The following SORL1 variants were observed in gnomAD, a reference collection of about 807,000 sequenced individuals.
SORL1 encodes sortilin-related receptor.
In SORL1, 127 loss-of-function variants were observed where a neutral mutation model predicts 273.7. That is an observed-to-expected ratio of 0.46 (90% CI 0.40 to 0.54). The LOEUF is 0.54. Among genes scored for constraint, SORL1 ranks in the 20% least tolerant of loss-of-function variants. The probability of loss-of-function intolerance (pLI) is 0.00; values close to 1 mark genes in which losing one functional copy is unlikely to be tolerated. For synonymous variants in SORL1, 1,031 were observed against 1,067.4 expected (o/e 0.97, Z 0.66); for missense variants, 2,494 against 2,846.1 (o/e 0.88, Z 2.81).
At chr11:121,462,056 C>T (rs145342055) in intron 1 of SORL1, among the ~76,000 whole-genome samples, 20 of 152,224 alleles carry the variant, frequency 1.3e-4, no homozygotes, top group African/African-American at 3.9e-4. Flanking sequence ...GTGACTTACC[C>T]GTAGTTAGAC....
At chr11:121,601,402 G>A (rs1228634177) in intron 32 of SORL1, among the ~76,000 whole-genome samples, 3 of 149,408 alleles carry the variant, frequency 2.0e-5, no homozygotes, top group Non-Finnish European at 4.4e-5. Flanking sequence ...AGTCCTTTGG[G>A]TATATACCCA....
chr11:121,513,149 T>C, intron 7 of SORL1, 45 bp downstream of exon 7: 2 of 1,390,994 alleles, frequency 1.4e-6, no homozygotes, highest in Non-Finnish European at 2.0e-6. Flanking sequence ...TCATTGTCTT[T>C]ATGCAGAGGT....
In SORL1 at chr11:121,614,105, C is replaced by A. The variant is rs1024592121; in HGVS notation, c.5420-766C>A. The stretch of plus-strand genomic sequence containing the variant: ...AAAGGCTATCTTGTTAGCGTAACCT[C>A]CCCCTTCTCACTTTTCTTTTTCTTA... On this transcript the variant is annotated intron_variant, in intron 40 of 47. Coordinates refer to ENST00000260197, the MANE Select transcript of SORL1 (RefSeq NM_003105.6). 8.5e-5 allele frequency among the ~76,000 whole-genome samples: 13 copies of A among 152,350 alleles called. No homozygotes were observed. In the South Asian group the frequency reaches 1.2e-3, roughly 15 times the overall value.
chr11:121,574,806 T>C (rs1456196537), intron 24 of SORL1, among the ~76,000 whole-genome samples: 3 of 152,132 alleles, frequency 2.0e-5, no homozygotes, highest in Non-Finnish European at 2.9e-5. Context: ...GGAGAGATGC[T>C]ATAAGGATGA....
chr11:121,557,237 G>A (rs375749488), intron 18 of SORL1, 77 bp from the exon 19 acceptor site: 1 of 1,038,830 alleles, frequency 9.6e-7, no homozygotes. Context: ...AGCAGAAGCT[G>A]AGTAGCCATC....
chr11:121,490,541 A>G (rs144213745), intron 5 of SORL1, among the ~76,000 whole-genome samples: 1 of 152,212 alleles, frequency 6.6e-6, no homozygotes, highest in East Asian at 1.9e-4. Context: ...GGAGTTCAAG[A>G]CCAGCCTGGC....
At chr11:121,602,056 C>T (rs568801622) in intron 32 of SORL1, among the ~76,000 whole-genome samples, 4 of 152,214 alleles carry the variant, frequency 2.6e-5, no homozygotes, top group Admixed American at 1.3e-4. Context: ...GAGCAGTGCC[C>T]GAGTCATGGT....
intron 3 of SORL1, among the ~76,000 whole-genome samples, chr11:121,483,584 AC>A (rs890137624): frequency 2.0e-5 from 3 of 152,184 alleles, no homozygotes; most frequent in African/African-American, 7.2e-5. Flanking sequence ...ATATTAAGTT[AC>A]TGCAAACAGG....
At chr11:121,471,847 C>G (rs760081806) in intron 2 of SORL1, among the ~76,000 whole-genome samples, 24 of 152,140 alleles carry the variant, frequency 1.6e-4, no homozygotes, top group Non-Finnish European at 2.6e-4. Context: ...GTGTGGGAGA[C>G]CACCGCTACT....
rs553702100 is a variant in SORL1, at chr11:121,563,205, G to A, written c.3049+3548G>A. The stretch of plus-strand genomic sequence containing the variant: ...CCGTTGACTTCAAAGCCTGAACTTC[G>A]ATAAAACCACCCGGCTCTGCTCCCT... On this transcript the variant is annotated intron_variant, in intron 21 of 47. Coordinates refer to ENST00000260197, the MANE Select transcript of SORL1 (RefSeq NM_003105.6). The surrounding 1 kb of genome is among the most constrained non-coding windows in gnomAD (Gnocchi z 4.2). Among the ~76,000 whole-genome samples, 3 of 152,302 alleles carry A rather than the reference G, an allele frequency of 2.0e-5. No homozygotes were observed. The highest frequency in any genetic ancestry group is 1.3e-4 in the Admixed American group (2 of 15,302).
chr11:121,535,435 G>A (rs1361482348), intron 12 of SORL1, among the ~76,000 whole-genome samples: 1 of 152,214 alleles, frequency 6.6e-6, no homozygotes, highest in Non-Finnish European at 1.5e-5. Context: ...TGGATACCAA[G>A]GATGCAAAGG....
At position 121,545,394 on chromosome 11, in the gene SORL1, G is replaced by A; in HGVS notation, c.2016G>A (p.Val672=). The A allele has an allele frequency of 6.2e-7, 1 of 1,614,028 alleles. No homozygotes were observed. Among genetic ancestry groups the A allele is most frequent in the Non-Finnish European group, 8.5e-7 (1 of 1,179,990 alleles). The change falls in exon 14 of 48, where the codon GTG becomes GTA. Residue 672 remains valine (V), a synonymous_variant. Coordinates refer to ENST00000260197, the MANE Select transcript of SORL1 (RefSeq NM_003105.6). ...AGGACTTTGACAGGCCGGTGGTCGT[G>A]TCCAACTGCTCCTGCACCCGGGAGG... ...NGEDFDRPVV[V]SNCSCTREDY...
At chr11:121,498,245 A>G (rs1861659339) in intron 6 of SORL1, among the ~76,000 whole-genome samples, 2 of 152,200 alleles carry the variant, frequency 1.3e-5, no homozygotes, top group African/African-American at 4.8e-5. Flanking sequence ...CCAGAAACAT[A>G]AGCATCCTCG....
At chr11:121,628,191 T>C (rs921552383) in intron 47 of SORL1, among the ~76,000 whole-genome samples, 3 of 152,234 alleles carry the variant, frequency 2.0e-5, no homozygotes, top group African/African-American at 7.2e-5. Flanking sequence ...TTTCTCTTTC[T>C]GGTTGCTAGT....
intron 36 of SORL1, 98 bp from the exon 37 acceptor site, chr11:121,607,088 C>T: frequency 4.9e-6 from 5 of 1,020,646 alleles, no homozygotes; most frequent in Non-Finnish European, 7.7e-6. Context: ...ACATTTTGCT[C>T]CTCACCATCT....
chr11:121,504,423 T>A lies in SORL1; in HGVS notation c.939+7374T>A, dbSNP rs112893882. ...CGAGACTCTGTCTCAAAAAAAAAAA[T>A]TTCCTAAGTATTCTTTTTGGCTCCA... On this transcript the variant is annotated intron_variant, in intron 6 of 47. Transcript: ENST00000260197. 9.2e-3 allele frequency among the ~76,000 whole-genome samples: 1,406 copies of A among 152,166 alleles called. 24 individuals carry two copies. Among genetic ancestry groups the A allele is most frequent in the African/African-American group, 0.032 (1,336 of 41,508 alleles).
rs1220376070 is a variant in SORL1, at chr11:121,591,025, C to T, written c.4238C>T (p.Thr1413Ile). Residue 1413 changes from threonine to isoleucine, a missense_variant, in exon 31 of 48, where the codon ACT (threonine) becomes ATT (isoleucine). Around this residue, in one of 3 missense-constraint regions of SORL1, gnomAD observed 1,609 missense variants for 1,816.4 expected, o/e 0.89. Transcript: ENST00000260197. ...CGDSHILPFSTPGPSTCLPNY... is the reference protein window; with the variant it reads ...CGDSHILPFSIPGPSTCLPNY... ...GATTCACATATTCTTCCCTTCTCGA[C>T]TCCTGGGCCCTCCACGTGTCTGCCC... 2 of 1,614,250 alleles carry T rather than the reference C, an allele frequency of 1.2e-6. No homozygotes were observed. Among genetic ancestry groups the T allele is most frequent in the Admixed American group, 1.7e-5 (1 of 60,032 alleles).
chr11:121,570,118 T>C (rs1442102172), intron 22 of SORL1, 39 bp from the exon 23 acceptor site: 18 of 1,341,304 alleles, frequency 1.3e-5, no homozygotes, highest in Non-Finnish European at 4.3e-6. Flanking sequence ...AAGAATAATA[T>C]TGGTTTCATT....
intron 5 of SORL1, among the ~76,000 whole-genome samples, chr11:121,490,992 G>T (rs1227384557): frequency 1.3e-5 from 2 of 152,144 alleles, no homozygotes; most frequent in African/African-American, 2.4e-5. Context: ...ATAAACAGCT[G>T]TGTAGAGGAG....
Sources: gnomAD v4.1 joint callset for allele counts (sites outside exome capture counted in the v4.1 genomes callset) on GRCh38, gnomAD v4.1.1 for gene constraint, gnomAD v4.1.1 regional missense constraint, Gnocchi (gnomAD v3.1) non-coding constraint, MANE v1.5 for transcripts, NCBI Gene and HGNC (gene_info 2026-07-23, HGNC 2026-07-21) for gene names.